The following CNTNAP4 variants were observed in gnomAD, a reference collection of about 807,000 sequenced individuals.
The protein encoded by CNTNAP4 is contactin associated protein family member 4.
Under a neutral mutation model 148.4 loss-of-function variants are expected in CNTNAP4, and 98 were observed. The observed-to-expected ratio is 0.66, with a 90% CI of 0.56 to 0.78. CNTNAP4 has a LOEUF of 0.78. Among genes scored for constraint, CNTNAP4 ranks in the 30% least tolerant of loss-of-function variants. The pLI, the probability that CNTNAP4 is intolerant of heterozygous loss-of-function variation, is 0.00. For missense variants in CNTNAP4, 1,935 were observed against 1,565.6 expected, an observed-to-expected ratio of 1.24 and a Z score of -3.98; for synonymous variants, 730 against 565.1, an observed-to-expected ratio of 1.29 and a Z score of -4.14.
At chr16:76,310,158 G>T (rs115226224) in intron 1 of CNTNAP4, among the ~76,000 whole-genome samples, 1 of 151,988 alleles carries the variant, frequency 6.6e-6, no homozygotes, top group African/African-American at 2.4e-5. Flanking sequence ...TCAGTCTCTC[G>T]TTGGGCAGGA....
intron 3 of CNTNAP4, among the ~76,000 whole-genome samples, chr16:76,378,123 T>G (rs776770871): frequency 6.6e-6 from 1 of 152,122 alleles, no homozygotes; most frequent in Non-Finnish European, 1.5e-5. Context: ...TTATTGGAGA[T>G]TCTAAAAAGA....
chr16:76,402,857 G>A (rs1466216601), intron 3 of CNTNAP4, among the ~76,000 whole-genome samples: 1 of 151,318 alleles, frequency 6.6e-6, no homozygotes, highest in East Asian at 1.9e-4. Flanking sequence ...ATGGTTTTGA[G>A]CGATTTTTGT....
chr16:76,385,547 AGTGTGTGTGTGT>A (rs3035895), intron 3 of CNTNAP4, among the ~76,000 whole-genome samples: 2 of 148,888 alleles, frequency 1.3e-5, no homozygotes, highest in Admixed American at 1.3e-4. Context: ...TTTAATTAGA[AGTGTGTGTGTGT>A]GTGTGTGTGT....
chr16:76,386,875 A>G (rs1334826398), intron 3 of CNTNAP4, among the ~76,000 whole-genome samples: 1 of 152,184 alleles, frequency 6.6e-6, no homozygotes, highest in Non-Finnish European at 1.5e-5. Context: ...GAGGCCTAAA[A>G]GGAGATTCAG....
chr16:76,385,385 T>C (rs917100616), intron 3 of CNTNAP4, among the ~76,000 whole-genome samples: 4 of 152,224 alleles, frequency 2.6e-5, no homozygotes, highest in South Asian at 2.1e-4. Flanking sequence ...CTTGTTTTTT[T>C]ATTTTAGCAA....
intron 16 of CNTNAP4, 94 bp from the exon 17 acceptor site, chr16:76,521,945 A>G (rs576951535): frequency 3.6e-6 from 4 of 1,109,934 alleles, no homozygotes; most frequent in Non-Finnish European, 5.5e-6. Flanking sequence ...CTGTTCAGCG[A>G]TTGTTACGCT....
At chr16:76,391,257 A>G (rs1459280692) in intron 3 of CNTNAP4, among the ~76,000 whole-genome samples, 3 of 152,158 alleles carry the variant, frequency 2.0e-5, no homozygotes, top group East Asian at 3.9e-4. Context: ...TGAGGAGCCA[A>G]ATGTGGTAAA....
chr16:76,298,339 T>G (rs1448651680), intron 1 of CNTNAP4, among the ~76,000 whole-genome samples: 2 of 152,156 alleles, frequency 1.3e-5, no homozygotes, highest in Non-Finnish European at 2.9e-5. Flanking sequence ...AAAATGTAAT[T>G]TTCCTGGAGC....
At chr16:76,388,064 C>T (rs896880818) in intron 3 of CNTNAP4, among the ~76,000 whole-genome samples, 2 of 152,120 alleles carry the variant, frequency 1.3e-5, no homozygotes, top group Non-Finnish European at 2.9e-5. Flanking sequence ...TGTATTTTAC[C>T]ATCAGTCACT....
chr16:76,381,316 C>T (rs1183152837), intron 3 of CNTNAP4, among the ~76,000 whole-genome samples: 1 of 152,136 alleles, frequency 6.6e-6, no homozygotes, highest in African/African-American at 2.4e-5. Flanking sequence ...TGACATTGAA[C>T]CATCACACAG....
chr16:76,449,636 G>C (rs2080379151), intron 6 of CNTNAP4, 79 bp from the exon 7 acceptor site: 1 of 1,196,186 alleles, frequency 8.4e-7, no homozygotes, highest in Non-Finnish European at 1.2e-6. Flanking sequence ...GATGATTATA[G>C]CTATACTTGC....
chr16:76,370,345 C>G (rs1438630003), intron 3 of CNTNAP4, among the ~76,000 whole-genome samples: 1 of 152,008 alleles, frequency 6.6e-6, no homozygotes, highest in Non-Finnish European at 1.5e-5. Context: ...AGTGCCCCAT[C>G]AGAGAAACAA....
intron 3 of CNTNAP4, among the ~76,000 whole-genome samples, chr16:76,373,976 A>G (rs184088260): frequency 4.5e-4 from 69 of 152,270 alleles, no homozygotes; most frequent in African/African-American, 1.7e-3. Flanking sequence ...TGTGTCTATA[A>G]ATCAGAGAGA....
chr16:76,358,522 G>A (rs1260445977), intron 3 of CNTNAP4, among the ~76,000 whole-genome samples: 1 of 152,174 alleles, frequency 6.6e-6, no homozygotes. Context: ...AGGTCTTGAA[G>A]AAAGCATTAT....
At chr16:76,466,534 A>T (rs554256674) in intron 9 of CNTNAP4, among the ~76,000 whole-genome samples, 1 of 152,264 alleles carries the variant, frequency 6.6e-6, no homozygotes, top group Admixed American at 6.5e-5. Flanking sequence ...CCTACCATGT[A>T]TCCATACAAA....
At chr16:76,517,839 C>G (rs1400773297) in intron 15 of CNTNAP4, among the ~76,000 whole-genome samples, 1 of 152,138 alleles carries the variant, frequency 6.6e-6, no homozygotes, top group South Asian at 2.1e-4. Flanking sequence ...CTCCATCTCC[C>G]TAACCCTGGG....
At chr16:76,446,541 G>T (rs554224580) in intron 4 of CNTNAP4, among the ~76,000 whole-genome samples, 1 of 152,094 alleles carries the variant, frequency 6.6e-6, no homozygotes, top group Non-Finnish European at 1.5e-5. Flanking sequence ...CAGATGAAAT[G>T]AGTAAGAGTG....
At chr16:76,533,484 T>A (rs1263150963) in intron 17 of CNTNAP4, among the ~76,000 whole-genome samples, 1 of 152,184 alleles carries the variant, frequency 6.6e-6, no homozygotes, top group East Asian at 1.9e-4. Context: ...ATATTGAATG[T>A]TCCCAACACT....
intron 3 of CNTNAP4, among the ~76,000 whole-genome samples, chr16:76,403,915 G>A (rs770082278): frequency 6.6e-6 from 1 of 152,156 alleles, no homozygotes; most frequent in East Asian, 1.9e-4. Flanking sequence ...GATGGAGCTG[G>A]AGGCCATTAT....
Sources: gnomAD v4.1 joint callset for allele counts (sites outside exome capture counted in the v4.1 genomes callset) on GRCh38, gnomAD v4.1.1 for gene constraint, MANE v1.5 for transcripts, NCBI Gene and HGNC (gene_info 2026-07-23, HGNC 2026-07-21) for gene names.